The following TRIM69 variants were observed in gnomAD, a reference collection of about 807,000 sequenced individuals.
TRIM69 encodes the protein tripartite motif containing 69.
Under a neutral mutation model 37.7 loss-of-function variants are expected in TRIM69, and 29 were observed. That is an observed-to-expected ratio of 0.77 (90% CI 0.57 to 1.05). The LOEUF is 1.05. Ranked by LOEUF, TRIM69 falls within the 50% of genes least tolerant of loss-of-function variation. TRIM69 has a pLI of 0.00. For synonymous variants in TRIM69, 209 were observed against 212.4 expected (o/e 0.98, Z 0.14); for missense variants, 596 against 579.9 (o/e 1.03, Z -0.28).
chr15:44,759,613 G>C (rs773420702), intron 4 of TRIM69, 27 bp from the exon 5 acceptor site: 2 of 1,611,720 alleles, frequency 1.2e-6, no homozygotes, highest in South Asian at 1.1e-5. Context: ...ACGGGCATCT[G>C]ATGTCTCTCT....
rs749523375 is a variant in TRIM69, at chr15:44,755,121, A to G, written c.228A>G (p.Thr76=). 8.7e-6 allele frequency: 14 copies of G among 1,614,228 alleles called. No individual in the cohort carries two copies. The highest frequency in any genetic ancestry group is 3.3e-5 in the Admixed American group (2 of 60,026). ...QDFWRLQAKE[T]FCPECKMLCQ... ...TTTGGAGGCTGCAAGCAAAGGAAACATTCTGTCCTGAGTGTAAGATGCTAT... is the reference window on the plus strand; with the variant it reads ...TTTGGAGGCTGCAAGCAAAGGAAACGTTCTGTCCTGAGTGTAAGATGCTAT... Residue 76 remains threonine, a synonymous_variant, in exon 2 of 7, where the codon ACA becomes ACG. Transcript: ENST00000329464.
rs1451473653 is a variant in TRIM69, at chr15:44,767,736, G to C, written c.1467G>C (p.Glu489Asp). 1 of 1,613,338 alleles carries C rather than the reference G, an allele frequency of 6.2e-7. No individual in the cohort carries two copies. The highest frequency in any genetic ancestry group is 2.2e-5 in the East Asian group (1 of 44,900). Residue 489 changes from glutamate to aspartate, a missense_variant, in exon 7 of 7, where the codon GAG (glutamate) becomes GAC (aspartate). Physicochemically the swap from Glu to Asp is conservative, Grantham distance 45. Coordinates refer to ENST00000329464, the MANE Select transcript of TRIM69 (RefSeq NM_182985.5). ...YFCPCLNDGG[E>D]NKEPLHILHP... Reference sequence around the variant, plus strand: ...GCCCCTGCCTTAATGATGGTGGAGAGAATAAAGAACCATTGCACATCTTAC... The same window carrying C: ...GCCCCTGCCTTAATGATGGTGGAGACAATAAAGAACCATTGCACATCTTAC...
intron 1 of TRIM69, among the ~76,000 whole-genome samples, chr15:44,744,658 C>G (rs1204867716): frequency 1.3e-5 from 2 of 152,040 alleles, no homozygotes; most frequent in Non-Finnish European, 2.9e-5. Flanking sequence ...CTCAGGTTTT[C>G]CTCATTTCCC....
intron 1 of TRIM69, 51 bp downstream of exon 1, chr15:44,736,761 G>A (rs1285150502): frequency 6.3e-7 from 1 of 1,595,846 alleles, no homozygotes; most frequent in South Asian, 1.1e-5. Flanking sequence ...GGAATAGTGT[G>A]GAAAACAGGA....
At chr15:44,741,734 T>C (rs1368778231) in intron 1 of TRIM69, among the ~76,000 whole-genome samples, 3 of 152,078 alleles carry the variant, frequency 2.0e-5, no homozygotes, top group Non-Finnish European at 2.9e-5. Flanking sequence ...GGATAAATTC[T>C]TCGACACATA....
At chr15:44,759,956 T>A in intron 6 of TRIM69, 84 bp downstream of exon 6, 2 of 1,508,172 alleles carry the variant, frequency 1.3e-6, no homozygotes, top group Non-Finnish European at 1.8e-6. Flanking sequence ...CCTAATTAAG[T>A]TTTTACAGTC....
intron 1 of TRIM69, among the ~76,000 whole-genome samples, chr15:44,743,850 T>C (rs956420144): frequency 3.9e-5 from 6 of 152,238 alleles, no homozygotes; most frequent in Non-Finnish European, 8.8e-5. Flanking sequence ...ACTTTTACAC[T>C]GTTGGTGGGA....
chr15:44,754,124 CTTT>C (rs66486757), intron 1 of TRIM69: 82 of 122,922 alleles, frequency 6.7e-4, no homozygotes, highest in Admixed American at 1.1e-3. Flanking sequence ...TTGGTCATTC[CTTT>C]TTTTTTTTTT....
At chr15:44,760,642 T>C (rs2087754865) in intron 6 of TRIM69, among the ~76,000 whole-genome samples, 1 of 152,112 alleles carries the variant, frequency 6.6e-6, no homozygotes, top group African/African-American at 2.4e-5. Context: ...ATAGTTAACA[T>C]AGAGTAAAAT....
intron 6 of TRIM69, among the ~76,000 whole-genome samples, chr15:44,761,551 G>C (rs2087775295): frequency 6.6e-6 from 1 of 152,144 alleles, no homozygotes; most frequent in Non-Finnish European, 1.5e-5. Flanking sequence ...TGCAACCTCT[G>C]CCTCCGAAGC....
intron 1 of TRIM69, among the ~76,000 whole-genome samples, chr15:44,748,458 T>C (rs1205255648): frequency 6.6e-6 from 1 of 152,156 alleles, no homozygotes; most frequent in Non-Finnish European, 1.5e-5. Flanking sequence ...CTGGTGGCTA[T>C]TCATCAAATA....
Sources: gnomAD v4.1 joint callset for allele counts (sites outside exome capture counted in the v4.1 genomes callset) on GRCh38, gnomAD v4.1.1 for gene constraint, MANE v1.5 for transcripts, NCBI Gene and HGNC (gene_info 2026-07-23, HGNC 2026-07-21) for gene names.